Variants in TAS2R1 observed in about 807,000 individuals in gnomAD.
The protein encoded by TAS2R1 is taste 2 receptor member 1, also known as taste receptor type 2 member 1.
For synonymous variants in TAS2R1, 141 were observed against 134.2 expected, an observed-to-expected ratio of 1.05 and a Z score of -0.35; for missense variants, 370 against 353.4, an observed-to-expected ratio of 1.05 and a Z score of -0.38.
At chr5:9,858,048 C>T in the TAS2R1 span, among the ~76,000 whole-genome samples, 47 of 152,084 alleles carry the variant, frequency 3.1e-4, no homozygotes, top group African/African-American at 1.1e-3. Flanking sequence ...TGGGGGTGGT[C>T]TGGAGCCTAG....
At chr5:9,753,612 A>C in the TAS2R1 span, among the ~76,000 whole-genome samples, 1 of 152,240 alleles carries the variant, frequency 6.6e-6, no homozygotes, top group African/African-American at 2.4e-5. Context: ...TTAGACATGA[A>C]GTCCTTGCCC....
At chr5:9,808,111 A>C in the TAS2R1 span, among the ~76,000 whole-genome samples, 1 of 152,176 alleles carries the variant, frequency 6.6e-6, no homozygotes, top group African/African-American at 2.4e-5. Flanking sequence ...AGGACTACTA[A>C]AGGGGAGTCT....
chr5:9,634,695 G>T (rs1048764506), upstream of TAS2R1, among the ~76,000 whole-genome samples: 1 of 151,318 alleles, frequency 6.6e-6, no homozygotes, highest in Admixed American at 6.6e-5. Context: ...AGTATTTTGG[G>T]TTTTTGCAGC....
the TAS2R1 span, among the ~76,000 whole-genome samples, chr5:9,880,299 C>A: frequency 6.6e-6 from 1 of 152,124 alleles, no homozygotes; most frequent in Non-Finnish European, 1.5e-5. Context: ...CTGGGGAAGA[C>A]ACCTGCTTCC....
At chr5:9,896,606 A>G in the TAS2R1 span, among the ~76,000 whole-genome samples, 1 of 152,312 alleles carries the variant, frequency 6.6e-6, no homozygotes, top group African/African-American at 2.4e-5. Context: ...AACACTTTCT[A>G]TGGAAAGTAT....
chr5:9,836,981 G>A, the TAS2R1 span, among the ~76,000 whole-genome samples: 2 of 152,132 alleles, frequency 1.3e-5, no homozygotes, highest in Admixed American at 6.5e-5. Flanking sequence ...GATTTAATAC[G>A]TTATTTTATG....
At chr5:9,731,068 T>G in the TAS2R1 span, among the ~76,000 whole-genome samples, 2 of 152,150 alleles carry the variant, frequency 1.3e-5, no homozygotes, top group African/African-American at 4.8e-5. Context: ...TGAAATCCGC[T>G]GTCCCCCATG....
At chr5:9,649,877 A>T (rs576663472) in intron 2 of TAS2R1, among the ~76,000 whole-genome samples, 72 of 152,310 alleles carry the variant, frequency 4.7e-4, no homozygotes, top group African/African-American at 1.6e-3. Context: ...TTTTAAAATA[A>T]TAGGCATTTA....
At chr5:9,792,940 C>A in the TAS2R1 span, among the ~76,000 whole-genome samples, 642 of 152,228 alleles carry the variant, frequency 4.2e-3, 5 homozygotes, top group African/African-American at 0.015. Flanking sequence ...GGGGATCCCA[C>A]AATTAAAAGC....
At chr5:9,884,840 T>C in the TAS2R1 span, among the ~76,000 whole-genome samples, 1 of 152,240 alleles carries the variant, frequency 6.6e-6, no homozygotes, top group African/African-American at 2.4e-5. Context: ...TAATCATCTC[T>C]TTTTATATAC....
intron 1 of TAS2R1, among the ~76,000 whole-genome samples, chr5:9,678,943 T>A (rs999586203): frequency 6.6e-6 from 1 of 152,078 alleles, no homozygotes; most frequent in Non-Finnish European, 1.5e-5. Flanking sequence ...AAAATAAAAG[T>A]TGATGGAAAA....
chr5:9,819,492 A>G, the TAS2R1 span, among the ~76,000 whole-genome samples: 1 of 152,318 alleles, frequency 6.6e-6, no homozygotes, highest in Admixed American at 6.5e-5. Flanking sequence ...ACACTTAATA[A>G]AAACACTACG....
chr5:9,752,017 A>G, the TAS2R1 span, among the ~76,000 whole-genome samples: 1 of 152,214 alleles, frequency 6.6e-6, no homozygotes, highest in Non-Finnish European at 1.5e-5. Context: ...AAGGCTTAGG[A>G]TGTCATTAGA....
the TAS2R1 span, among the ~76,000 whole-genome samples, chr5:9,721,405 C>T: frequency 1.3e-5 from 2 of 152,214 alleles, no homozygotes; most frequent in Non-Finnish European, 2.9e-5. Flanking sequence ...CAAGGGTCAA[C>T]TCTTCATCTG....
chr5:9,858,008 A>C, the TAS2R1 span, among the ~76,000 whole-genome samples: 1 of 151,772 alleles, frequency 6.6e-6, no homozygotes, highest in Non-Finnish European at 1.5e-5. Context: ...GTGGGCATGA[A>C]GTCTGGGGCT....
the TAS2R1 span, among the ~76,000 whole-genome samples, chr5:9,818,042 G>C: frequency 1.3e-5 from 2 of 152,134 alleles, no homozygotes; most frequent in Non-Finnish European, 2.9e-5. Context: ...TTCAAGATAA[G>C]ATTTGGATGA....
At chr5:9,842,018 C>T in the TAS2R1 span, among the ~76,000 whole-genome samples, 63 of 152,278 alleles carry the variant, frequency 4.1e-4, no homozygotes, top group Non-Finnish European at 7.4e-4. Context: ...TGTTCTCTTC[C>T]AGCATTTGTA....
At chr5:9,864,796 G>A in the TAS2R1 span, among the ~76,000 whole-genome samples, 1 of 152,086 alleles carries the variant, frequency 6.6e-6, no homozygotes, top group East Asian at 1.9e-4. Flanking sequence ...GAATTCCAGA[G>A]ATTGGAAGTG....
chr5:9,851,822 T>C, the TAS2R1 span, among the ~76,000 whole-genome samples: 1 of 152,220 alleles, frequency 6.6e-6, no homozygotes, highest in Non-Finnish European at 1.5e-5. Context: ...CCTTAAAGAC[T>C]TCAAGCTTTG....
Sources: allele counts gnomAD v4.1 joint callset (sites outside exome capture counted in the v4.1 genomes callset), GRCh38; gene constraint gnomAD v4.1.1; transcripts MANE v1.5; gene names NCBI Gene and HGNC (gene_info 2026-07-23, HGNC 2026-07-21).